Variants in IDE observed in about 807,000 individuals in gnomAD.
IDE encodes the protein insulin degrading enzyme.
A neutral mutation model predicts 133.2 loss-of-function variants in IDE; 58 were observed. The observed-to-expected ratio is 0.44, with a 90% CI of 0.35 to 0.54. The LOEUF is 0.54. IDE is among the 20% of genes least tolerant of loss of function. The pLI is 0.00. For missense variants in IDE, 981 were observed against 1,234.0 expected, an observed-to-expected ratio of 0.79 and a Z score of 3.07; for synonymous variants, 396 against 421.3, an observed-to-expected ratio of 0.94 and a Z score of 0.73.
intron 7 of IDE, 136 bp from the exon 8 acceptor site, chr10:92,508,341 A>T: frequency 1.4e-6 from 1 of 721,548 alleles, no homozygotes. Context: ...GGGAAAAAAA[A>T]ATCAGTTCAG....
intron 1 of IDE, among the ~76,000 whole-genome samples, chr10:92,552,857 C>CAAAAAAAAAAAAAAAAAA (rs71028827): frequency 0.026 from 1,257 of 49,182 alleles, 109 homozygotes; most frequent in Non-Finnish European, 0.029. Context: ...GACTCAGTCT[C>CAAAAAAAAAAAAAAAAAA]AAAAAAAAAA....
intron 3 of IDE, 55 bp from the exon 4 acceptor site, chr10:92,531,972 C>A (rs1849950720): frequency 7.9e-7 from 1 of 1,258,260 alleles, no homozygotes; most frequent in Non-Finnish European, 1.0e-6. Context: ...AAACAATAGC[C>A]TTTTAGAAAG....
chr10:92,490,830 G>A (rs553876123), intron 11 of IDE, among the ~76,000 whole-genome samples: 3 of 152,196 alleles, frequency 2.0e-5, no homozygotes, highest in Admixed American at 6.5e-5. Context: ...AAAAGTGCTC[G>A]CAGGAGAGAT....
intron 1 of IDE, among the ~76,000 whole-genome samples, chr10:92,568,867 C>T (rs929518248): frequency 6.6e-6 from 1 of 151,740 alleles, no homozygotes; most frequent in Non-Finnish European, 1.5e-5. Flanking sequence ...AGGGGAGGAG[C>T]AGAGTTATAA....
intron 11 of IDE, among the ~76,000 whole-genome samples, chr10:92,493,395 T>G (rs1397359670): frequency 6.9e-6 from 1 of 144,092 alleles, no homozygotes; most frequent in Non-Finnish European, 1.5e-5. Context: ...CTTGATTTCT[T>G]TTTTTTTTTT....
At position 92,566,094 on chromosome 10, in the gene IDE, G is replaced by A. The variant is rs1479524238; in HGVS notation, c.98+7828C>T. ...TATGTAGCCAGGTGCAGTGGCTCACGCCTATAATCCCAGTACTTTGGGAGG... is the reference window on the plus strand; with the variant it reads ...TATGTAGCCAGGTGCAGTGGCTCACACCTATAATCCCAGTACTTTGGGAGG... On this transcript the variant is annotated intron_variant, in intron 1 of 24. Transcript: ENST00000265986. Among the ~76,000 whole-genome samples, 5 of 151,410 alleles carry A rather than the reference G, an allele frequency of 3.3e-5. No individual in the cohort carries two copies. In the East Asian group the frequency reaches 9.7e-4, roughly 29 times the overall value.
intron 2 of IDE, among the ~76,000 whole-genome samples, chr10:92,535,230 A>G (rs1461949321): frequency 6.6e-6 from 1 of 152,120 alleles, no homozygotes; most frequent in Non-Finnish European, 1.5e-5. Context: ...CAGCCTCCTG[A>G]GTAGCTGGGA....
intron 1 of IDE, among the ~76,000 whole-genome samples, chr10:92,542,523 C>G (rs1015373032): frequency 6.6e-6 from 1 of 152,130 alleles, no homozygotes; most frequent in Non-Finnish European, 1.5e-5. Context: ...AACTCCTGGG[C>G]GCAAGAGACT....
At chr10:92,564,844 G>A (rs1843455916) in intron 1 of IDE, among the ~76,000 whole-genome samples, 1 of 151,808 alleles carries the variant, frequency 6.6e-6, no homozygotes, top group Non-Finnish European at 1.5e-5. Context: ...ATCACTTGAG[G>A]CCAGGAGTTC....
At chr10:92,508,692 G>C in intron 7 of IDE, 36 bp downstream of exon 7, 1 of 1,585,606 alleles carries the variant, frequency 6.3e-7, no homozygotes. Flanking sequence ...GAAAAGATGT[G>C]GTGGACACTC....
intron 1 of IDE, among the ~76,000 whole-genome samples, chr10:92,540,762 A>G (rs577636074): frequency 6.6e-6 from 1 of 152,334 alleles, no homozygotes; most frequent in Admixed American, 6.5e-5. Context: ...TTAACTTACT[A>G]TGTGGGAGGT....
chr10:92,455,832 C>A (rs1028907080), intron 23 of IDE, among the ~76,000 whole-genome samples, 189 bp from the exon 24 acceptor site: 4 of 152,160 alleles, frequency 2.6e-5, no homozygotes, highest in Admixed American at 2.6e-4. Context: ...CTATCCAGAG[C>A]CACCCAGTGA....
At chr10:92,548,451 C>G (rs1842631805) in intron 1 of IDE, among the ~76,000 whole-genome samples, 1 of 149,266 alleles carries the variant, frequency 6.7e-6, no homozygotes, top group Non-Finnish European at 1.5e-5. Flanking sequence ...TTGCATCACA[C>G]TCAGACAACC....
At chr10:92,506,731 G>A (rs557994161) in intron 9 of IDE, among the ~76,000 whole-genome samples, 1 of 151,926 alleles carries the variant, frequency 6.6e-6, no homozygotes, top group East Asian at 1.9e-4. Context: ...CATCAATCTA[G>A]GCTTAAAACC....
intron 4 of IDE, among the ~76,000 whole-genome samples, chr10:92,524,463 T>TATATTATATATATTA (rs1849478326): frequency 1.3e-4 from 7 of 52,886 alleles, no homozygotes; most frequent in African/African-American, 7.3e-4. Flanking sequence ...ATTATATATT[T>TATATTATATATATTA]TATATAATAT....
In IDE at chr10:92,482,730, T is replaced by C. The variant is rs117970525; in HGVS notation, c.1739+525A>G. ...TTCAGCTAAAGGGCATACTCATTAATGGGGAAAGAAAAAAAAAAAGAATTA... is the reference window on the plus strand; with the variant it reads ...TTCAGCTAAAGGGCATACTCATTAACGGGGAAAGAAAAAAAAAAAGAATTA... On this transcript the variant is annotated intron_variant, in intron 14 of 24. Transcript: ENST00000265986. 2.7e-5 allele frequency among the ~76,000 whole-genome samples: 4 copies of C among 149,436 alleles called. No individual in the cohort carries two copies. In the East Asian group the frequency reaches 7.9e-4, roughly 29 times the overall value.
intron 1 of IDE, among the ~76,000 whole-genome samples, chr10:92,552,035 A>G (rs78767548): frequency 0.064 from 9,679 of 151,654 alleles, 437 homozygotes; most frequent in Middle Eastern, 0.11. Context: ...CAATAATAAA[A>G]CCAACCATGA....
chr10:92,524,397 A>AATATATAATATATATTATATT (rs1849441337), intron 4 of IDE, among the ~76,000 whole-genome samples: 1 of 90,920 alleles, frequency 1.1e-5, no homozygotes, highest in Non-Finnish European at 2.0e-5. Flanking sequence ...TATTTTATAT[A>AATATATAATATATATTATATT]ATATATAATA....
intron 7 of IDE, 128 bp from the exon 8 acceptor site, chr10:92,508,333 G>A: frequency 1.4e-6 from 1 of 735,422 alleles, no homozygotes; most frequent in Non-Finnish European, 2.3e-6. Flanking sequence ...AAAAGATTGG[G>A]AAAAAAAAAT....
Sources: gnomAD v4.1 joint callset for allele counts (sites outside exome capture counted in the v4.1 genomes callset) on GRCh38, gnomAD v4.1.1 for gene constraint, MANE v1.5 for transcripts, NCBI Gene and HGNC (gene_info 2026-07-23, HGNC 2026-07-21) for gene names.